Variants in C1orf50 observed in about 807,000 individuals in gnomAD.
C1orf50 encodes uncharacterized protein C1orf50.
Under a neutral mutation model 23.3 loss-of-function variants are expected in C1orf50, and 22 were observed. The observed-to-expected ratio is 0.94, with a 90% CI of 0.67 to 1.35. C1orf50 has a LOEUF of 1.35. C1orf50 is among the 40% of genes most tolerant of loss of function. The probability of loss-of-function intolerance (pLI) is 0.00; values close to 1 mark genes in which losing one functional copy is unlikely to be tolerated. For synonymous variants in C1orf50, 96 were observed against 102.4 expected (o/e 0.94, Z 0.38); for missense variants, 271 against 249.4 (o/e 1.09, Z -0.58).
chr1:42,774,837 G>A lies in C1orf50; in HGVS notation c.383G>A (p.Gly128Asp). Residue 128 changes from glycine to aspartate, a missense_variant, in exon 4 of 5, where the codon GGT becomes GAT. Transcript: ENST00000372525. ...NIYYLYKRESGQQYFSIISPK... is the reference protein window; with the variant it reads ...NIYYLYKRESDQQYFSIISPK... ...TACTATCTCTATAAACGGGAGAGTG[G>A]TCAGCAGTATTTTTCCATCATTTCT... is the stretch of plus-strand genomic sequence containing the variant. The A allele has an allele frequency of 1.2e-6, 2 of 1,613,020 alleles. No homozygotes were observed. Among genetic ancestry groups the A allele is most frequent in the East Asian group, 2.2e-5 (1 of 44,860 alleles).
intron 2 of C1orf50, chr1:42,769,679 T>C (rs1240003841): frequency 6.7e-6 from 1 of 150,188 alleles, no homozygotes; most frequent in Admixed American, 6.6e-5. Flanking sequence ...CTGTCTCTAC[T>C]AAAAATACAA....
At chr1:42,769,308 G>T (rs952553264) in intron 2 of C1orf50, among the ~76,000 whole-genome samples, 3 of 152,164 alleles carry the variant, frequency 2.0e-5, no homozygotes, top group African/African-American at 7.2e-5. Flanking sequence ...CACTTTGGGA[G>T]GCTAAGGCGG....
intron 3 of C1orf50, 93 bp downstream of exon 3, chr1:42,773,742 T>C: frequency 2.7e-6 from 2 of 747,534 alleles, no homozygotes; most frequent in South Asian, 3.3e-5. Context: ...TTTTTATGTC[T>C]TTAATACCTC....
intron 2 of C1orf50, among the ~76,000 whole-genome samples, chr1:42,767,881 T>A (rs925664097): frequency 2.0e-5 from 3 of 152,338 alleles, no homozygotes; most frequent in South Asian, 4.1e-4. Context: ...CACTTTAGTG[T>A]TCATTATTTC....
chr1:42,775,785 T>TATATATATATATATATATAA lies in C1orf50; in HGVS notation c.*392_*393insTATATATATATATATATAAA, dbSNP rs749472119. ...TTTTATATATATATATATATATATA[T>TATATATATATATATATATAA]AACTGGTAGTATTTAACATTGGGGT... is the stretch of plus-strand genomic sequence containing the variant. On this transcript the variant is annotated 3_prime_UTR_variant, in exon 5 of 5. Transcript: ENST00000372525. 8.3e-5 allele frequency: 12 copies of TATATATATATATATATATAA among 144,426 alleles called. No individual in the cohort carries two copies. The highest frequency in any genetic ancestry group is 3.0e-4 in the African/African-American group (12 of 39,710). 8.9% of individuals were successfully genotyped at this position (144,426 alleles called of 1,614,324 possible).
chr1:42,773,607 C>A lies in C1orf50; in HGVS notation c.240C>A (p.Val80=). ...CAAATGCCACCAACAAGCTGACAGT[C>A]ATAGCTGAGCAAATCCAACATTTGC... ...IRANATNKLT[V]IAEQIQHLQE... The change falls in exon 3 of 5, where the codon GTC becomes GTA. Residue 80 remains valine (V), a synonymous_variant. Transcript: ENST00000372525. 2 of 1,612,994 alleles carry A rather than the reference C, an allele frequency of 1.2e-6. No homozygotes were observed. Among genetic ancestry groups the A allele is most frequent in the South Asian group, 2.2e-5 (2 of 91,000 alleles).
In C1orf50 at chr1:42,775,387, C is replaced by T. The variant is rs754819350; in HGVS notation, c.593C>T (p.Thr198Ile). The change falls in exon 5 of 5, where the codon ACT (threonine) becomes ATT (isoleucine). Residue 198 changes from threonine (T) to isoleucine (I), a missense_variant. Transcript: ENST00000372525. ...PCTEPNFQGL[T>I]H ...ACTGAACCCAACTTCCAGGGACTGA[C>T]TCACTGAGAGTGGGCTTTGACAAAC... 13 of 1,584,594 alleles carry T rather than the reference C, an allele frequency of 8.2e-6. No homozygotes were observed. Among genetic ancestry groups the T allele is most frequent in the Non-Finnish European group, 1.1e-5 (13 of 1,156,600 alleles).
At chr1:42,773,748 A>C in intron 3 of C1orf50, 99 bp downstream of exon 3, 1 of 714,428 alleles carries the variant, frequency 1.4e-6, no homozygotes, top group Non-Finnish European at 2.4e-6. Context: ...TGTCTTTAAT[A>C]CCTCCTAGAA....
At chr1:42,770,530 T>G (rs1039268302) in intron 2 of C1orf50, among the ~76,000 whole-genome samples, 2 of 152,018 alleles carry the variant, frequency 1.3e-5, no homozygotes, top group Non-Finnish European at 2.9e-5. Context: ...CCTACCGAGT[T>G]CAAGCAATTC....
chr1:42,774,038 G>T (rs1395561139), intron 3 of C1orf50, among the ~76,000 whole-genome samples: 2 of 152,118 alleles, frequency 1.3e-5, no homozygotes, highest in African/African-American at 4.8e-5. Flanking sequence ...GGCCAGGCCT[G>T]TCTTGAACTC....
chr1:42,770,612 A>T (rs1424189831), intron 2 of C1orf50, among the ~76,000 whole-genome samples: 1 of 152,118 alleles, frequency 6.6e-6, no homozygotes, highest in Non-Finnish European at 1.5e-5. Context: ...TTGTATTTTT[A>T]GTAGAGACAG....
chr1:42,769,859 T>A (rs558030168), intron 2 of C1orf50: 8 of 152,272 alleles, frequency 5.3e-5, no homozygotes, highest in Admixed American at 2.6e-4. Flanking sequence ...AAAAGTACTT[T>A]TTTAGCAAGA....
chr1:42,768,292 C>T (rs2124182791), intron 2 of C1orf50, among the ~76,000 whole-genome samples: 1 of 152,342 alleles, frequency 6.6e-6, no homozygotes, highest in African/African-American at 2.4e-5. Context: ...AGTAGTAGAG[C>T]TCCAAGATCT....
At chr1:42,768,484 T>G (rs1653138430) in intron 2 of C1orf50, among the ~76,000 whole-genome samples, 1 of 152,240 alleles carries the variant, frequency 6.6e-6, no homozygotes, top group South Asian at 2.1e-4. Flanking sequence ...GGTCTTTGCT[T>G]TGCCCAAAAT....
rs993802624 is a variant in C1orf50, at chr1:42,778,364, A to G, written c.*2970A>G. ...AAGAAGGGGTGTGATAGAGGTACGC[A>G]TGGAATACTATGGAGCTCCGGGGAG... On this transcript the variant is annotated 3_prime_UTR_variant, in exon 5 of 5. Transcript: ENST00000372525. 3 of 152,222 alleles carry G rather than the reference A, an allele frequency of 2.0e-5. No homozygotes were observed. Among genetic ancestry groups the G allele is most frequent in the Non-Finnish European group, 4.4e-5 (3 of 68,028 alleles). 9.4% of individuals were successfully genotyped at this position (152,222 alleles called of 1,614,324 possible).
intron 2 of C1orf50, among the ~76,000 whole-genome samples, chr1:42,768,946 G>T (rs1653157408): frequency 6.6e-6 from 1 of 152,162 alleles, no homozygotes; most frequent in Non-Finnish European, 1.5e-5. Flanking sequence ...CAAACAAATT[G>T]AATCAAACAT....
rs2124197054 is a variant in C1orf50, at chr1:42,777,730, A to C, written c.*2336A>C. 1 of 152,346 alleles carries C rather than the reference A, an allele frequency of 6.6e-6. No individual in the cohort carries two copies. Among genetic ancestry groups the C allele is most frequent in the East Asian group, 1.9e-4 (1 of 5,180 alleles). 9.4% of individuals were successfully genotyped at this position (152,346 alleles called of 1,614,324 possible). A position where few individuals can be genotyped will look rare whatever the true frequency, so the allele number is the denominator to read the frequency against. ...ACAGATCCTAGAATCTATCTGCCACAGTGCTCAGTTGAGAAGAAGAAAGGA... is the reference window on the plus strand; with the variant it reads ...ACAGATCCTAGAATCTATCTGCCACCGTGCTCAGTTGAGAAGAAGAAAGGA... On this transcript the variant is annotated 3_prime_UTR_variant, in exon 5 of 5. Coordinates refer to ENST00000372525, the MANE Select transcript of C1orf50 (RefSeq NM_024097.4).
rs1194856593 is a variant in C1orf50, at chr1:42,778,638, T to C, written c.*3244T>C. ...CAATGAGGAGGGGTGGAGTGAGATA[T>C]GTCCTGGCTAGAAAATCCTTGTGTT... On this transcript the variant is annotated 3_prime_UTR_variant, in exon 5 of 5. Transcript: ENST00000372525. The C allele has an allele frequency of 2.0e-5, 3 of 152,140 alleles. No individual in the cohort carries two copies. The highest frequency in any genetic ancestry group is 2.9e-5 in the Non-Finnish European group (2 of 68,030). 9.4% of individuals were successfully genotyped at this position (152,140 alleles called of 1,614,324 possible).
Position 42,775,273 on chromosome 1 carries a change from G to T in C1orf50, c.479G>T (p.Trp160Leu), listed in dbSNP as rs1460302198. Residue 160 changes from tryptophan to leucine, a missense_variant, in exon 5 of 5, where the codon TGG (tryptophan) becomes TTG (leucine). Coordinates refer to ENST00000372525, the MANE Select transcript of C1orf50 (RefSeq NM_024097.4). ...GAYKLQHDLS[W>L]TPYEDIEKQD... ...TACAAACTACAGCATGACTTGTCCT[G>T]GACTCCGTATGAGGACATTGAGAAG... 1.2e-6 allele frequency: 2 copies of T among 1,612,376 alleles called. No homozygotes were observed.
Sources: gnomAD v4.1 joint callset for allele counts (sites outside exome capture counted in the v4.1 genomes callset) on GRCh38, gnomAD v4.1.1 for gene constraint, MANE v1.5 for transcripts, NCBI Gene and HGNC (gene_info 2026-07-23, HGNC 2026-07-21) for gene names.